The following ITGB4 variants were observed in gnomAD, a reference collection of about 807,000 sequenced individuals.
ITGB4 encodes integrin beta-4.
A neutral mutation model predicts 207.6 loss-of-function variants in ITGB4; 159 were observed. The observed-to-expected ratio is 0.77, with a 90% CI of 0.67 to 0.87. ITGB4 has a LOEUF of 0.87. ITGB4 is among the 40% of genes least tolerant of loss of function. The probability of loss-of-function intolerance (pLI) is 0.00; values close to 1 mark genes in which losing one functional copy is unlikely to be tolerated. For synonymous variants in ITGB4, 1,020 were observed against 1,062.7 expected, an observed-to-expected ratio of 0.96 and a Z score of 0.78; for missense variants, 2,278 against 2,546.8, an observed-to-expected ratio of 0.89 and a Z score of 2.27.
Position 75,727,745 on chromosome 17 carries a change from TGGA to T in ITGB4, c.362_364del (p.Glu121del), listed in dbSNP as rs2060754110. 6.2e-7 allele frequency: 1 copy of T among 1,613,918 alleles called. No individual in the cohort carries two copies. The highest frequency in any genetic ancestry group is 8.5e-7 in the Non-Finnish European group (1 of 1,180,026). ...CCCGGTGAGGAGCGGCATTTTGAGC[TGGA>T]GGTGTTTGAGCCACTGGAGAGCCCC... On this transcript the variant is annotated inframe_deletion, in exon 5 of 40. Transcript: ENST00000200181. This position sits in a 1 kb window ranked among gnomAD's most constrained non-coding sequence, Gnocchi z 6.0.
Position 75,753,752 on chromosome 17 carries a change from C to G in ITGB4, c.4109-13C>G. 1 of 1,418,380 alleles carries G rather than the reference C, an allele frequency of 7.1e-7. No homozygotes were observed. Among genetic ancestry groups the G allele is most frequent in the Non-Finnish European group, 9.2e-7 (1 of 1,086,264 alleles). 87.9% of individuals were successfully genotyped at this position (1,418,380 alleles called of 1,614,324 possible). A position where few individuals can be genotyped will look rare whatever the true frequency, so the allele number is the denominator to read the frequency against. On this transcript the variant is annotated splice_polypyrimidine_tract_variant and intron_variant, in intron 32 of 39. Transcript: ENST00000200181. ...CCCCGGCGGTGCCAACGCGGCCCTT[C>G]GTTGTTCCCAAGGCTGCGGCTGGAA...
At chr17:75,721,766 C>CGGGGGCAGCTGGCAGCCA (rs2060621940) in intron 1 of ITGB4, among the ~76,000 whole-genome samples, 154 bp downstream of exon 1, 1 of 152,202 alleles carries the variant, frequency 6.6e-6, no homozygotes, top group Admixed American at 6.5e-5. Flanking sequence ...CGGGGTGCGC[C>CGGGGGCAGCTGGCAGCCA]GGGGGCAGCT....
At chr17:75,755,258 A>G in intron 34 of ITGB4, 2 of 1,575,974 alleles carry the variant, frequency 1.3e-6, no homozygotes, top group East Asian at 4.5e-5. Context: ...GTCCTGCTCC[A>G]TCTGTCATCC....
rs764285610 is a variant in ITGB4 at position 75,756,705 on chromosome 17, C to A, written c.4899C>A (p.Gly1633=). ...HPQSPLCPLP[G]SAFTLSTPSA... is the part of the protein sequence containing the mutation. ...ATGCTCTTCCTCTACTGCCCCCAGGCTCCGCCTTCACTTTGAGCACTCCCA... is the reference window on the plus strand; with the variant it reads ...ATGCTCTTCCTCTACTGCCCCCAGGATCCGCCTTCACTTTGAGCACTCCCA... The change falls in exon 37 of 40, where the codon GGC becomes GGA. Residue 1633 remains glycine (G), a splice_region_variant and synonymous_variant. Transcript: ENST00000200181. 1.2e-6 allele frequency: 2 copies of A among 1,613,478 alleles called. No individual in the cohort carries two copies. Among genetic ancestry groups the A allele is most frequent in the Non-Finnish European group, 1.7e-6 (2 of 1,180,012 alleles).
At position 75,732,253 on chromosome 17, in the gene ITGB4, G is replaced by A. The variant is rs1311164801; in HGVS notation, c.1454+14G>A. On this transcript the variant is annotated intron_variant, in intron 12 of 39. Transcript: ENST00000200181. This position sits in a 1 kb window ranked among gnomAD's most constrained non-coding sequence, Gnocchi z 5.3. Reference sequence around the variant, plus strand: ...CAGCGAGGGCTGGTGAGTGGGGAAGGGAGTTGGGCACCCAGGACACCAGTG... The same window carrying A: ...CAGCGAGGGCTGGTGAGTGGGGAAGAGAGTTGGGCACCCAGGACACCAGTG... The A allele has an allele frequency of 2.5e-6, 4 of 1,613,396 alleles. No homozygotes were observed. Among genetic ancestry groups the A allele is most frequent in the Non-Finnish European group, 3.4e-6 (4 of 1,179,620 alleles).
chr17:75,749,464 G>C (rs373209055), intron 27 of ITGB4, among the ~76,000 whole-genome samples: 3 of 152,098 alleles, frequency 2.0e-5, no homozygotes, highest in Non-Finnish European at 2.9e-5. Flanking sequence ...GGGGGTCTGG[G>C]CCGCAGCAAG....
At position 75,752,181 on chromosome 17, in the gene ITGB4, T is replaced by G; in HGVS notation, c.3801T>G (p.Ile1267Met). The G allele has an allele frequency of 6.2e-7, 1 of 1,613,952 alleles. No individual in the cohort carries two copies. Among genetic ancestry groups the G allele is most frequent in the African/African-American group, 1.3e-5 (1 of 75,054 alleles). ...YGLVNDDNRP[I>M]GPMKKVLVDN... is the part of the protein sequence containing the mutation. ...GCACTCTCTCTGCCCCAGGACCTAT[T>G]GGGCCCATGAAGAAAGTGCTGGTTG... The change falls in exon 31 of 40, where the codon ATT (isoleucine) becomes ATG (methionine). Residue 1267 changes from isoleucine (I) to methionine (M), a missense_variant. Ile to Met is a conservative substitution (Grantham distance 10). Transcript: ENST00000200181.
intron 32 of ITGB4, 118 bp from the exon 33 acceptor site, chr17:75,753,647 C>T (rs904001619): frequency 7.9e-6 from 5 of 634,912 alleles, no homozygotes; most frequent in South Asian, 1.4e-4. Flanking sequence ...ACACACACCC[C>T]GGGATCCCGG....
At position 75,731,997 on chromosome 17, in the gene ITGB4, G is replaced by A; in HGVS notation, c.1377+24G>A. On this transcript the variant is annotated intron_variant, in intron 11 of 39. Transcript: ENST00000200181. This position sits in a 1 kb window ranked among gnomAD's most constrained non-coding sequence, Gnocchi z 6.8. ...TGGTACAACGCAGCCCCGCAGGGCG[G>A]GAGGGGAGAGCTGAGCCAAGCACCC... 1 of 1,613,906 alleles carries A rather than the reference G, an allele frequency of 6.2e-7. No homozygotes were observed. The highest frequency in any genetic ancestry group is 8.5e-7 in the Non-Finnish European group (1 of 1,180,000).
rs2060846745 is a variant in ITGB4, at chr17:75,731,127, G to A, written c.1093-119G>A. ...CCTGAGGCCCCGAGGGGCCACCTGG[G>A]CCTGGCCCTGGCTCCTGCAGGCTCT... is the stretch of plus-strand genomic sequence containing the variant. On this transcript the variant is annotated intron_variant, in intron 9 of 39. Transcript: ENST00000200181. This position sits in a 1 kb window ranked among gnomAD's most constrained non-coding sequence, Gnocchi z 6.8. The A allele has an allele frequency of 1.3e-6, 2 of 1,555,564 alleles. No individual in the cohort carries two copies. Among genetic ancestry groups the A allele is most frequent in the Admixed American group, 1.7e-5 (1 of 57,384 alleles).
At chr17:75,736,812 G>A (rs1023466299) in intron 16 of ITGB4, 118 bp downstream of exon 16, 31 of 1,139,176 alleles carry the variant, frequency 2.7e-5, no homozygotes, top group East Asian at 5.1e-5. Context: ...CACACAGTCC[G>A]GACAGGAACT....
chr17:75,732,904 T>C lies in ITGB4; in HGVS notation c.1455-586T>C, dbSNP rs577881096. 6.6e-5 allele frequency among the ~76,000 whole-genome samples: 10 copies of C among 150,812 alleles called. No homozygotes were observed. The South Asian group carries it at 1.9e-3, about 28-fold the overall frequency. On this transcript the variant is annotated intron_variant, in intron 12 of 39. Transcript: ENST00000200181. This position sits in a 1 kb window ranked among gnomAD's most constrained non-coding sequence, Gnocchi z 5.3. ...GAGTTCAAGACCAGCCTGGCCAACA[T>C]GGTGAAATCCCATCTCTACTAAAAA...
intron 2 of ITGB4, among the ~76,000 whole-genome samples, chr17:75,725,630 A>T (rs1329232003): frequency 1.3e-5 from 2 of 152,150 alleles, no homozygotes; most frequent in Non-Finnish European, 2.9e-5. Flanking sequence ...CCATTGTTAA[A>T]CACTGACCAG....
At chr17:75,756,369 G>T in intron 35 of ITGB4, 60 bp from the exon 36 acceptor site, 1 of 1,586,880 alleles carries the variant, frequency 6.3e-7, no homozygotes, top group Non-Finnish European at 8.6e-7. Context: ...GGACGAGGAG[G>T]ATCAGGCCAG....
At chr17:75,735,022 T>G (rs889867439) in intron 13 of ITGB4, among the ~76,000 whole-genome samples, 1 of 152,256 alleles carries the variant, frequency 6.6e-6, no homozygotes. Flanking sequence ...AATTTGTCTG[T>G]AGATTCTTCT....
At chr17:75,756,646 GCC>G (rs1568387433) in intron 36 of ITGB4, 29 bp downstream of exon 36, 1 of 1,612,606 alleles carries the variant, frequency 6.2e-7, no homozygotes, top group Admixed American at 1.7e-5. Flanking sequence ...CCCCAGAGCT[GCC>G]CCCATCATGC....
intron 6 of ITGB4, among the ~76,000 whole-genome samples, chr17:75,728,955 G>A (rs1440892404): frequency 6.8e-6 from 1 of 146,232 alleles, no homozygotes; most frequent in African/African-American, 2.6e-5. Context: ...CTGCACTCCA[G>A]CCTGGGCGAC....
At chr17:75,724,623 C>CA (rs2060681395) in intron 1 of ITGB4, 71 bp from the exon 2 acceptor site, 12 of 1,134,496 alleles carry the variant, frequency 1.1e-5, no homozygotes, top group Non-Finnish European at 1.5e-5. Context: ...CACAGCTGTG[C>CA]AGCGAGAGGA....
At position 75,736,604 on chromosome 17, in the gene ITGB4, C is replaced by T. The variant is rs1339557659; in HGVS notation, c.1900C>T (p.Gln634Ter). The T allele has an allele frequency of 6.2e-7, 1 of 1,603,004 alleles. No individual in the cohort carries two copies. The highest frequency in any genetic ancestry group is 1.3e-5 in the African/African-American group (1 of 74,896). Residue 634 changes from glutamine (Q) to a stop codon, truncating the protein, a stop_gained, in exon 16 of 40, where the codon CAG (glutamine) becomes TAG (stop). Transcript: ENST00000200181. LOFTEE classifies it high-confidence loss of function. ...CTGCGAGGACCTACGCTCCTGCGTGCAGTGCCAGGCGTGGGGCACCGGCGA... is the reference window on the plus strand; with the variant it reads ...CTGCGAGGACCTACGCTCCTGCGTGTAGTGCCAGGCGTGGGGCACCGGCGA... The part of the protein sequence containing the change: ...GLCEDLRSCV[Q>*]CQAWGTGEKK...
Sources: gnomAD v4.1 joint callset for allele counts (sites outside exome capture counted in the v4.1 genomes callset) on GRCh38, gnomAD v4.1.1 for gene constraint, Gnocchi (gnomAD v3.1) non-coding constraint, MANE v1.5 for transcripts, NCBI Gene and HGNC (gene_info 2026-07-23, HGNC 2026-07-21) for gene names.